RGS8: variants seen among roughly 807,000 people sequenced by gnomAD.
RGS8 encodes the protein regulator of G protein signaling 8.
Under a neutral mutation model 21.7 loss-of-function variants are expected in RGS8, and 8 were observed. The observed-to-expected ratio is 0.37, with a 90% CI of 0.22 to 0.66. The LOEUF is 0.66. RGS8 is among the 30% of genes least tolerant of loss of function. RGS8 has a pLI of 0.59. For missense variants in RGS8, 157 were observed against 217.9 expected, an observed-to-expected ratio of 0.72 and a Z score of 1.76; for synonymous variants, 80 against 83.6, an observed-to-expected ratio of 0.96 and a Z score of 0.24.
the RGS8 span, among the ~76,000 whole-genome samples, chr1:182,735,189 AT>A: frequency 6.6e-6 from 1 of 152,082 alleles, no homozygotes; most frequent in Non-Finnish European, 1.5e-5. Context: ...TGAATAGTGA[AT>A]TTTTTTTAAA....
At chr1:182,699,352 G>C in the RGS8 span, among the ~76,000 whole-genome samples, 4 of 152,206 alleles carry the variant, frequency 2.6e-5, no homozygotes, top group Non-Finnish European at 5.9e-5. Context: ...GGAAGGGGAT[G>C]GAGTGTAGAG....
At chr1:182,672,813 C>T (rs751167049), upstream of RGS8, 2 of 1,614,164 alleles carry the variant, frequency 1.2e-6, no homozygotes, top group South Asian at 1.1e-5. Context: ...TTTCAAACCT[C>T]CTTACCCACA....
chr1:182,675,461 A>G (rs1664325828), upstream of RGS8, among the ~76,000 whole-genome samples: 1 of 151,942 alleles, frequency 6.6e-6, no homozygotes, highest in South Asian at 2.1e-4. Context: ...TGCACACTAC[A>G]CTACCACCAG....
At position 182,670,122 on chromosome 1, in the gene RGS8, G is replaced by C. The variant is rs149685248; in HGVS notation, c.-103-370C>G. Among the ~76,000 whole-genome samples the C allele has an allele frequency of 3.8e-3, 575 of 152,318 alleles. 3 individuals are homozygous for C. Among genetic ancestry groups the C allele is most frequent in the African/African-American group, 0.013 (553 of 41,570 alleles). On this transcript the variant is annotated intron_variant, in intron 2 of 6. Coordinates refer to ENST00000483095, the Ensembl canonical transcript of RGS8. Reference sequence around the variant, plus strand: ...GGATTGGAGGAGGGGGTCGGCACTTGCTCCAAAATAATCTGATTGGATGCT... The same window carrying C: ...GGATTGGAGGAGGGGGTCGGCACTTCCTCCAAAATAATCTGATTGGATGCT...
the RGS8 span, among the ~76,000 whole-genome samples, chr1:182,731,283 A>T: frequency 6.6e-6 from 1 of 152,198 alleles, no homozygotes; most frequent in African/African-American, 2.4e-5. Context: ...ACTTGGCTTC[A>T]CGCTGTTACT....
chr1:182,660,094 A>G (rs753086570), intron 5 of RGS8, among the ~76,000 whole-genome samples: 13 of 152,218 alleles, frequency 8.5e-5, no homozygotes, highest in Admixed American at 1.3e-4. Context: ...ATTTAATATT[A>G]TGTTAGAGCA....
At chr1:182,724,400 CT>C in the RGS8 span, among the ~76,000 whole-genome samples, 1 of 151,472 alleles carries the variant, frequency 6.6e-6, no homozygotes, top group African/African-American at 2.4e-5. Context: ...AATTGACCAT[CT>C]GTGATTGGCT....
upstream of RGS8, chr1:182,672,975 G>A: frequency 3.4e-6 from 3 of 882,232 alleles, no homozygotes; most frequent in Non-Finnish European, 5.6e-6. Flanking sequence ...CCCACCCCTA[G>A]ACCTACAGAA....
chr1:182,724,716 C>T, the RGS8 span, among the ~76,000 whole-genome samples: 1 of 152,094 alleles, frequency 6.6e-6, no homozygotes, highest in Admixed American at 6.5e-5. Context: ...TGCCACCACA[C>T]CTGGCTAATT....
the RGS8 span, among the ~76,000 whole-genome samples, chr1:182,742,402 G>A: frequency 6.6e-6 from 1 of 151,918 alleles, no homozygotes; most frequent in African/African-American, 2.4e-5. Context: ...GGGAGGTGGA[G>A]GTTGTAGCGA....
chr1:182,677,698 C>A (rs2102453544), upstream of RGS8, among the ~76,000 whole-genome samples: 1 of 152,342 alleles, frequency 6.6e-6, no homozygotes, highest in South Asian at 2.1e-4. Flanking sequence ...TCACTGCTCA[C>A]TGCAGGGTTT....
chr1:182,658,982 G>A lies in RGS8; in HGVS notation c.193+6987C>T, dbSNP rs550581272. ...ATTATACTTCAGTAGTGTGATTAAC[G>A]TAATTTTCTTCAATGATCTCTACTT... On this transcript the variant is annotated intron_variant, in intron 5 of 6. Coordinates refer to ENST00000483095, the Ensembl canonical transcript of RGS8. Among the ~76,000 whole-genome samples the A allele has an allele frequency of 1.4e-4, 21 of 152,306 alleles. No individual in the cohort carries two copies. The East Asian group carries it at 1.7e-3, about 13-fold the overall frequency.
chr1:182,672,701 AACTTCCCCCT>A, upstream of RGS8: 1 of 1,227,346 alleles, frequency 8.1e-7, no homozygotes, highest in Non-Finnish European at 1.2e-6. Flanking sequence ...ATCACCTAGC[AACTTCCCCCT>A]ACTTGCATTT....
At chr1:182,691,763 C>T in the RGS8 span, among the ~76,000 whole-genome samples, 1 of 151,874 alleles carries the variant, frequency 6.6e-6, no homozygotes, top group Non-Finnish European at 1.5e-5. Context: ...TGGAACAAGA[C>T]AATGATGCCC....
At chr1:182,652,350 G>A (rs1263244992) in intron 5 of RGS8, among the ~76,000 whole-genome samples, 1 of 152,192 alleles carries the variant, frequency 6.6e-6, no homozygotes, top group East Asian at 1.9e-4. Context: ...GCTAGATGAG[G>A]TACAGGCATC....
At chr1:182,740,947 T>C in the RGS8 span, among the ~76,000 whole-genome samples, 3 of 152,066 alleles carry the variant, frequency 2.0e-5, no homozygotes, top group African/African-American at 7.2e-5. Context: ...GTCTCCCATG[T>C]CTACCTCTTT....
chr1:182,713,923 A>G, the RGS8 span, among the ~76,000 whole-genome samples: 77 of 152,386 alleles, frequency 5.1e-4, 3 homozygotes, highest in East Asian at 0.015. Flanking sequence ...CAAGAAAAGT[A>G]GAAGTACACA....
the RGS8 span, among the ~76,000 whole-genome samples, chr1:182,724,301 G>A: frequency 7.2e-6 from 1 of 139,782 alleles, no homozygotes; most frequent in East Asian, 2.1e-4. Flanking sequence ...AACATTCAAG[G>A]ACAGAAAAAG....
the RGS8 span, among the ~76,000 whole-genome samples, chr1:182,697,984 A>G: frequency 6.6e-6 from 1 of 152,310 alleles, no homozygotes; most frequent in South Asian, 2.1e-4. Flanking sequence ...AATGTTTCCA[A>G]TTCAGGGACT....
Sources: gnomAD v4.1 joint callset for allele counts (sites outside exome capture counted in the v4.1 genomes callset) on GRCh38, gnomAD v4.1.1 for gene constraint, MANE v1.5 for transcripts, NCBI Gene and HGNC (gene_info 2026-07-23, HGNC 2026-07-21) for gene names.